USP35: variants seen among roughly 807,000 people sequenced by gnomAD.
The protein encoded by USP35 is ubiquitin specific peptidase 35, also known as ubiquitin carboxyl-terminal hydrolase 35.
USP35 carries 69 observed loss-of-function variants against 83.8 expected under a neutral mutation model. That is an observed-to-expected ratio of 0.82 (90% CI 0.68 to 1.01). The LOEUF is 1.01. Ranked by LOEUF, USP35 falls within the 50% of genes least tolerant of loss-of-function variation. USP35 has a pLI of 0.00. For missense variants in USP35, 1,503 were observed against 1,362.5 expected (o/e 1.10, Z -1.62); for synonymous variants, 714 against 589.5 (o/e 1.21, Z -3.06).
At chr11:78,220,203 G>A (rs1054295331), downstream of USP35, 64 of 1,048,734 alleles carry the variant, frequency 6.1e-5, no homozygotes, top group Middle Eastern at 1.3e-3. Flanking sequence ...GCTGGGTACT[G>A]GAGCAGGAGG....
Position 78,200,237 on chromosome 11 carries a change from A to G in USP35, c.1038+3A>G, listed in dbSNP as rs548497676. 4.9e-5 allele frequency: 79 copies of G among 1,613,292 alleles called. No homozygotes were observed. Among genetic ancestry groups the G allele is most frequent in the Admixed American group, 2.0e-4 (12 of 59,972 alleles). On this transcript the variant is annotated splice_donor_region_variant and intron_variant, in intron 5 of 10. Coordinates refer to ENST00000529308, the MANE Select transcript of USP35 (RefSeq NM_020798.4). ...ACTCCCACGAAGCCTTCCACCTGGT[A>G]AGGTCCCCTGCCTGCTGCCCCTGGT... is the stretch of plus-strand genomic sequence containing the variant.
chr11:78,225,045 A>G, the USP35 span: 1 of 986,868 alleles, frequency 1.0e-6, no homozygotes, highest in Non-Finnish European at 1.6e-6. Flanking sequence ...TTTTAATTCC[A>G]TAAGGTGTGA....
intron 4 of USP35, 30 bp from the exon 5 acceptor site, chr11:78,200,103 G>C: frequency 3.7e-6 from 6 of 1,611,910 alleles, no homozygotes; most frequent in Non-Finnish European, 5.1e-6. Flanking sequence ...GCTCAAGCCT[G>C]GGGACTCCTG....
At chr11:78,230,677 G>A in the USP35 span, among the ~76,000 whole-genome samples, 1 of 152,248 alleles carries the variant, frequency 6.6e-6, no homozygotes, top group Non-Finnish European at 1.5e-5. Flanking sequence ...TGTTGAGGGA[G>A]ACTGATTATC....
downstream of USP35, chr11:78,219,205 G>C: frequency 6.9e-7 from 1 of 1,457,438 alleles, no homozygotes; most frequent in Non-Finnish European, 9.5e-7. Flanking sequence ...ACGGGAGAGG[G>C]GAGAGGGGAG....
intron 1 of USP35, among the ~76,000 whole-genome samples, chr11:78,193,274 A>G (rs1590893681): frequency 1.3e-5 from 2 of 151,772 alleles, no homozygotes; most frequent in South Asian, 2.1e-4. Flanking sequence ...GCTCACTGCA[A>G]CCTTCGCCTC....
chr11:78,202,648 T>G (rs1863390491), intron 6 of USP35, among the ~76,000 whole-genome samples: 1 of 152,232 alleles, frequency 6.6e-6, no homozygotes, highest in Non-Finnish European at 1.5e-5. Flanking sequence ...TACTTGGATC[T>G]TCTCAGTTTT....
chr11:78,202,353 C>T (rs1027550972), intron 6 of USP35, among the ~76,000 whole-genome samples: 6 of 152,178 alleles, frequency 3.9e-5, no homozygotes, highest in African/African-American at 1.4e-4. Context: ...TTTCTGGCTT[C>T]GTCTGGGCTC....
chr11:78,226,338 TG>T, the USP35 span: 1 of 738,602 alleles, frequency 1.4e-6, no homozygotes. Flanking sequence ...CCTATGTTTT[TG>T]AGTATCAGTG....
chr11:78,219,674 A>G (rs530977244), downstream of USP35, among the ~76,000 whole-genome samples: 1 of 152,278 alleles, frequency 6.6e-6, no homozygotes, highest in Non-Finnish European at 1.5e-5. Flanking sequence ...GGGAGGACCC[A>G]GGCCCTTCCT....
the USP35 span, chr11:78,222,190 G>C: frequency 6.2e-7 from 1 of 1,612,016 alleles, no homozygotes; most frequent in Admixed American, 1.7e-5. Flanking sequence ...AGTGGTGTTG[G>C]CTTTGCTGGA....
chr11:78,224,917 T>A, the USP35 span, among the ~76,000 whole-genome samples: 2 of 152,120 alleles, frequency 1.3e-5, no homozygotes, highest in Non-Finnish European at 2.9e-5. Flanking sequence ...ATACATTTCT[T>A]CCAGACTAGA....
At chr11:78,194,380 C>T (rs1250658361) in intron 1 of USP35, among the ~76,000 whole-genome samples, 7 of 152,144 alleles carry the variant, frequency 4.6e-5, no homozygotes, top group Non-Finnish European at 7.4e-5. Flanking sequence ...ATCTGTGATT[C>T]TGAATAAAAC....
At chr11:78,223,119 G>A in the USP35 span, among the ~76,000 whole-genome samples, 1 of 152,220 alleles carries the variant, frequency 6.6e-6, no homozygotes. Flanking sequence ...TGCCAGGAGA[G>A]TGAGATTGTA....
chr11:78,201,967 C>G (rs1461734721), intron 6 of USP35, among the ~76,000 whole-genome samples: 1 of 152,140 alleles, frequency 6.6e-6, no homozygotes, highest in East Asian at 1.9e-4. Flanking sequence ...GAAAAGTGTC[C>G]TGCTACAAAA....
In USP35 at chr11:78,207,537, C is replaced by G; in HGVS notation, c.1399C>G (p.His467Asp). The G allele has an allele frequency of 6.2e-7, 1 of 1,614,086 alleles. No homozygotes were observed. Among genetic ancestry groups the G allele is most frequent in the Non-Finnish European group, 8.5e-7 (1 of 1,180,004 alleles). The change falls in exon 8 of 11, where the codon CAT (histidine) becomes GAT (aspartate). Residue 467 changes from histidine (H) to aspartate (D), a missense_variant. By Grantham distance (81) the His-to-Asp change is moderately conservative. Transcript: ENST00000529308. ...QALFMASDFR[H>D]CVLRLTENNS... is the part of the protein sequence containing the mutation. ...CCCTGCTTTGTTTTGAAGCTTCAGA[C>G]ATTGTGTGCTCCGCTTGACTGAGAA...
chr11:78,234,266 A>T, the USP35 span, among the ~76,000 whole-genome samples: 125 of 151,730 alleles, frequency 8.2e-4, 1 homozygote, highest in Admixed American at 7.2e-4. Flanking sequence ...TATTTTCTGT[A>T]GAGACTGGGT....
At position 78,198,048 on chromosome 11, in the gene USP35, G is replaced by C. The variant is rs1345173921; in HGVS notation, c.786G>C (p.Gln262His). The C allele has an allele frequency of 6.2e-7, 1 of 1,614,236 alleles. No individual in the cohort carries two copies. The highest frequency in any genetic ancestry group is 2.2e-5 in the East Asian group (1 of 44,890). The change falls in exon 3 of 11, where the codon CAG becomes CAC. Residue 262 changes from glutamine (Q) to histidine (H), a missense_variant. Gln to His is a conservative substitution (Grantham distance 24). Transcript: ENST00000529308. The stretch of plus-strand genomic sequence containing the variant: ...ATGATGACAGTGTGACAGACTCGCA[G>C]ATGCTGACTGCCATTAGCAGGTGGG... The part of the protein sequence containing the change: ...LSNDDSVTDS[Q>H]MLTAISRMID...
the USP35 span, among the ~76,000 whole-genome samples, chr11:78,230,418 C>A: frequency 2.6e-5 from 4 of 152,234 alleles, no homozygotes; most frequent in Non-Finnish European, 4.4e-5. Flanking sequence ...ACACAAAGTC[C>A]ACAAGAAGCC....
Sources: gnomAD v4.1 joint callset for allele counts (sites outside exome capture counted in the v4.1 genomes callset) on GRCh38, gnomAD v4.1.1 for gene constraint, MANE v1.5 for transcripts, NCBI Gene and HGNC (gene_info 2026-07-23, HGNC 2026-07-21) for gene names.